Variants in VRK3 observed in about 807,000 individuals in gnomAD.
VRK3 encodes serine/threonine-protein kinase VRK3.
Under a neutral mutation model 60.4 loss-of-function variants are expected in VRK3, and 50 were observed. The observed-to-expected ratio is 0.83, with a 90% confidence interval of 0.66 to 1.05. VRK3 has a LOEUF of 1.05. VRK3 is among the 50% of genes least tolerant of loss of function. VRK3 has a pLI of 0.00. For synonymous variants in VRK3, 246 were observed against 227.8 expected (o/e 1.08, Z -0.72); for missense variants, 549 against 585.3 (o/e 0.94, Z 0.64).
At chr19:50,018,223 G>A (rs530289167) in intron 2 of VRK3, among the ~76,000 whole-genome samples, 1 of 152,230 alleles carries the variant, frequency 6.6e-6, no homozygotes, top group African/African-American at 2.4e-5. Flanking sequence ...GAGGTGCTGA[G>A]AACAGGGCCT....
intron 9 of VRK3, 150 bp from the exon 10 acceptor site, chr19:49,993,102 T>C (rs2076640266): frequency 3.2e-6 from 2 of 630,238 alleles, no homozygotes; most frequent in Admixed American, 2.7e-5. Flanking sequence ...CGGGGTAGCA[T>C]GAGGAGCCCG....
chr19:50,003,491 C>T (rs529756356), intron 5 of VRK3, among the ~76,000 whole-genome samples: 4 of 152,308 alleles, frequency 2.6e-5, no homozygotes, highest in Admixed American at 1.3e-4. Context: ...AGCAGCCGCA[C>T]GGATTCATGT....
intron 5 of VRK3, among the ~76,000 whole-genome samples, chr19:50,005,975 G>A (rs756253270): frequency 2.0e-5 from 3 of 148,992 alleles, no homozygotes; most frequent in Non-Finnish European, 4.4e-5. Flanking sequence ...ATATCCTGAA[G>A]GCCACTCAGT....
At chr19:49,985,137 A>T (rs1177835334) in intron 12 of VRK3, among the ~76,000 whole-genome samples, 4 of 152,198 alleles carry the variant, frequency 2.6e-5, no homozygotes, top group Non-Finnish European at 4.4e-5. Context: ...CTAACCCATT[A>T]GAGTGTGTGA....
Position 49,992,831 on chromosome 19 carries a change from T to C in VRK3, c.963+29A>G, listed in dbSNP as rs1321517709. On this transcript the variant is annotated intron_variant, in intron 10 of 14. Coordinates refer to ENST00000316763, the MANE Select transcript of VRK3 (RefSeq NM_016440.4). ...AGATGGGAACCTGAGCCCAGAGATC[T>C]TCCAGAGTGGGCAGGAGCTGGCTCT... 5.0e-6 allele frequency: 8 copies of C among 1,605,872 alleles called. No homozygotes were observed. In the Admixed American group the frequency reaches 1.3e-4, roughly 27 times the overall value.
intron 6 of VRK3, chr19:50,000,489 G>C: frequency 2.2e-6 from 1 of 452,116 alleles, no homozygotes; most frequent in Non-Finnish European, 4.0e-6. Context: ...CACACCCTGT[G>C]GGTATTAGTG....
intron 12 of VRK3, chr19:49,982,151 C>T (rs1001282962): frequency 4.3e-6 from 3 of 702,882 alleles, no homozygotes; most frequent in African/African-American, 1.7e-5. Context: ...TCTGGCATGA[C>T]AAAGTCCAGC....
At chr19:49,993,758 C>A (rs1303061152) in intron 9 of VRK3, among the ~76,000 whole-genome samples, 1 of 152,020 alleles carries the variant, frequency 6.6e-6, no homozygotes, top group Non-Finnish European at 1.5e-5. Flanking sequence ...TATCCCCAAC[C>A]CTCTTTGACC....
chr19:49,982,540 T>C (rs573423794), intron 12 of VRK3, among the ~76,000 whole-genome samples: 2 of 152,292 alleles, frequency 1.3e-5, no homozygotes, highest in East Asian at 3.9e-4. Context: ...GCGTATATAG[T>C]GTGGAGGCTG....
At chr19:50,004,456 A>G (rs983482060) in intron 5 of VRK3, among the ~76,000 whole-genome samples, 1 of 151,700 alleles carries the variant, frequency 6.6e-6, no homozygotes, top group Admixed American at 6.6e-5. Context: ...CTTTCTTGGG[A>G]GAAGCCAGAG....
At position 50,009,362 on chromosome 19, in the gene VRK3, T is replaced by C; in HGVS notation, c.163A>G (p.Ser55Gly). The C allele has an allele frequency of 1.2e-6, 2 of 1,613,866 alleles. No individual in the cohort carries two copies. The highest frequency in any genetic ancestry group is 1.7e-6 in the Non-Finnish European group (2 of 1,179,898). Residue 55 changes from serine to glycine, a missense_variant, in exon 4 of 15, where the codon AGT becomes GGT. Ser to Gly is a moderately conservative substitution (Grantham distance 56). Transcript: ENST00000316763. ...ACTTTCTTAGGAGAGGTTTCAAAAC[T>C]GGAGTTCAGCCCTCTCTTTGAGCCT... ...FQGSKRGLNSSFETSPKKVKW... is the reference protein window; with the variant it reads ...FQGSKRGLNSGFETSPKKVKW...
chr19:49,995,144 G>C (rs2076679345), intron 8 of VRK3, 47 bp downstream of exon 8: 1 of 1,589,832 alleles, frequency 6.3e-7, no homozygotes, highest in East Asian at 2.2e-5. Context: ...ACAACAGGAA[G>C]AAGAGGAAAG....
At chr19:50,000,272 A>G (rs1349869661) in intron 6 of VRK3, 3 of 156,850 alleles carry the variant, frequency 1.9e-5, no homozygotes, top group Non-Finnish European at 2.8e-5. Flanking sequence ...CCCTTTCTCT[A>G]TTTGTTTCCT....
chr19:49,994,981 C>T, intron 8 of VRK3, 62 bp from the exon 9 acceptor site: 1 of 1,507,544 alleles, frequency 6.6e-7, no homozygotes, highest in Non-Finnish European at 9.1e-7. Flanking sequence ...GTACCGGCCG[C>T]CAAGGATGGA....
At chr19:50,001,572 G>A (rs1261334884) in intron 5 of VRK3, among the ~76,000 whole-genome samples, 1 of 152,188 alleles carries the variant, frequency 6.6e-6, no homozygotes, top group Non-Finnish European at 1.5e-5. Flanking sequence ...CCCTCCTTGG[G>A]TTCTGATCCC....
In VRK3 at chr19:50,016,152, A is replaced by C. The variant is rs752273959; in HGVS notation, c.11T>G (p.Phe4Cys). ...GATACTTTTGCCACAGTCTGGACAG[A>C]AGGAGATCATGCTACAAAACAGAAT... MISFCPDCGKSIQA... is the reference protein window; with the variant it reads MISCCPDCGKSIQA... Residue 4 changes from phenylalanine (F) to cysteine (C), a missense_variant, in exon 3 of 15, where the codon TTC becomes TGC. By Grantham distance (205) the Phe-to-Cys change is radical. Transcript: ENST00000316763. 6.2e-7 allele frequency: 1 copy of C among 1,614,144 alleles called. No individual in the cohort carries two copies. Among genetic ancestry groups the C allele is most frequent in the South Asian group, 1.1e-5 (1 of 91,056 alleles).
intron 11 of VRK3, among the ~76,000 whole-genome samples, chr19:49,988,755 CAA>C (rs755962689): frequency 6.6e-5 from 10 of 152,214 alleles, no homozygotes; most frequent in Non-Finnish European, 1.3e-4. Flanking sequence ...TGCACTCATT[CAA>C]TCAAGCCTCA....
At chr19:49,981,095 A>C in intron 12 of VRK3, 82 bp from the exon 13 acceptor site, 1 of 1,077,448 alleles carries the variant, frequency 9.3e-7, no homozygotes, top group Non-Finnish European at 1.3e-6. Context: ...AGATATATAC[A>C]CAGCCTAAGA....
intron 3 of VRK3, among the ~76,000 whole-genome samples, chr19:50,010,302 T>C (rs8109255): frequency 1.4e-3 from 219 of 152,340 alleles, no homozygotes; most frequent in African/African-American, 5.2e-3. Context: ...CATCTATTAA[T>C]TCTAAAGTCT....
Sources: gnomAD v4.1 joint callset for allele counts (sites outside exome capture counted in the v4.1 genomes callset) on GRCh38, gnomAD v4.1.1 for gene constraint, MANE v1.5 for transcripts, NCBI Gene and HGNC (gene_info 2026-07-23, HGNC 2026-07-21) for gene names.